The following CDH12 variants were observed in gnomAD, a reference collection of about 807,000 sequenced individuals.
The protein encoded by CDH12 is cadherin 12.
In CDH12, 41 loss-of-function variants were observed where a neutral mutation model predicts 74.1. The ratio of observed to expected loss-of-function variants is 0.55; its 90% CI spans 0.43 to 0.72. The LOEUF (loss-of-function observed/expected upper bound fraction) is 0.72, where lower values mean the gene tolerates loss of function less well. Ranked by LOEUF, CDH12 falls within the 30% of genes least tolerant of loss-of-function variation. The pLI is 0.00. For synonymous variants in CDH12, 399 were observed against 355.0 expected, an observed-to-expected ratio of 1.12 and a Z score of -1.39; for missense variants, 945 against 977.2, an observed-to-expected ratio of 0.97 and a Z score of 0.44.
At chr5:22,227,387 C>T (rs1304288769) in intron 3 of CDH12, among the ~76,000 whole-genome samples, 4 of 152,062 alleles carry the variant, frequency 2.6e-5, no homozygotes, top group Non-Finnish European at 5.9e-5. Context: ...CATAAGTTGT[C>T]TTTTAAGATA....
At chr5:22,126,865 C>T (rs1175982649) in intron 4 of CDH12, among the ~76,000 whole-genome samples, 1 of 152,096 alleles carries the variant, frequency 6.6e-6, no homozygotes, top group Non-Finnish European at 1.5e-5. Context: ...TTTATCATCC[C>T]CAATGGCGTA....
At chr5:22,434,774 T>C (rs1744311982) in intron 2 of CDH12, among the ~76,000 whole-genome samples, 1 of 152,200 alleles carries the variant, frequency 6.6e-6, no homozygotes, top group African/African-American at 2.4e-5. Flanking sequence ...TGCTTTTTTT[T>C]TCTTAAATTT....
intron 1 of CDH12, among the ~76,000 whole-genome samples, chr5:22,573,470 T>C (rs1022770377): frequency 3.3e-5 from 5 of 152,086 alleles, no homozygotes; most frequent in African/African-American, 1.2e-4. Context: ...AAATGTAAAA[T>C]AAATGTTTAA....
rs200649568 is a variant in CDH12 at position 21,802,453 on chromosome 5, A to C, written c.1003-33T>G. The C allele has an allele frequency of 2.6e-5, 41 of 1,566,302 alleles. No homozygotes were observed. The East Asian group carries it at 5.6e-4, about 22-fold the overall frequency. ...GAGGACAAATTAAGAATAAGGAGTA[A>C]ATTTATATAGAATGTGGCAGAAATG... On this transcript the variant is annotated intron_variant, in intron 9 of 14. Transcript: ENST00000382254.
At chr5:22,141,981 G>T (rs1381624999) in intron 4 of CDH12, among the ~76,000 whole-genome samples, 2 of 152,116 alleles carry the variant, frequency 1.3e-5, no homozygotes, top group African/African-American at 2.4e-5. Context: ...CGGCCATAGG[G>T]TGGTTTGGTT....
At chr5:22,029,512 A>C (rs1473554096) in intron 5 of CDH12, among the ~76,000 whole-genome samples, 1,644 of 150,994 alleles carry the variant, frequency 0.011, 31 homozygotes, top group African/African-American at 0.036. Flanking sequence ...ACATGAAAAA[A>C]TGCTCATCAT....
At chr5:22,113,955 G>A (rs956011932) in intron 4 of CDH12, among the ~76,000 whole-genome samples, 4 of 152,094 alleles carry the variant, frequency 2.6e-5, no homozygotes, top group Admixed American at 6.6e-5. Flanking sequence ...CTGGAGAGCC[G>A]GAGGGAAAAA....
chr5:22,201,646 T>C (rs1465275204), intron 4 of CDH12, among the ~76,000 whole-genome samples: 1 of 152,062 alleles, frequency 6.6e-6, no homozygotes, highest in East Asian at 1.9e-4. Flanking sequence ...ATAACAAAAT[T>C]GTACTTGTAC....
intron 4 of CDH12, among the ~76,000 whole-genome samples, chr5:22,096,098 C>T (rs531846825): frequency 6.6e-6 from 1 of 151,884 alleles, no homozygotes; most frequent in African/African-American, 2.4e-5. Flanking sequence ...ATGGGCAACC[C>T]TTCATTCCTC....
chr5:22,601,616 G>T (rs2126812856), intron 1 of CDH12, among the ~76,000 whole-genome samples: 1 of 152,104 alleles, frequency 6.6e-6, no homozygotes, highest in Middle Eastern at 3.4e-3. Flanking sequence ...CTGAAAGGAA[G>T]ATGATTATCT....
intron 6 of CDH12, among the ~76,000 whole-genome samples, chr5:21,927,766 A>G (rs1209691931): frequency 6.6e-6 from 1 of 151,696 alleles, no homozygotes; most frequent in Non-Finnish European, 1.5e-5. Flanking sequence ...GGTTATTGGT[A>G]GTAAGAATGA....
chr5:22,451,453 A>C lies in CDH12; in HGVS notation c.-427-46102T>G, dbSNP rs146945485. ...AATACACATGATCTAGCACCTCAAT[A>C]GAATCAAGAACAAAAACCATAAAAT... is the stretch of plus-strand genomic sequence containing the variant. On this transcript the variant is annotated intron_variant, in intron 2 of 14. Coordinates refer to ENST00000382254, the MANE Select transcript of CDH12 (RefSeq NM_004061.5). 6.6e-3 allele frequency among the ~76,000 whole-genome samples: 1,005 copies of C among 152,098 alleles called. 6 individuals are homozygous for C. Among genetic ancestry groups the C allele is most frequent in the Non-Finnish European group, 0.01 (699 of 67,872 alleles).
chr5:22,319,977 T>A (rs1738799941), intron 3 of CDH12, among the ~76,000 whole-genome samples: 1 of 152,104 alleles, frequency 6.6e-6, no homozygotes, highest in South Asian at 2.1e-4. Context: ...TAACTGACAC[T>A]TGCATCTATT....
chr5:22,524,850 G>A (rs188612959), intron 1 of CDH12, among the ~76,000 whole-genome samples: 72 of 151,014 alleles, frequency 4.8e-4, no homozygotes, highest in African/African-American at 1.7e-3. Context: ...TAGGGTACAT[G>A]TGCACAACAT....
At chr5:22,397,995 T>A (rs555039134) in intron 3 of CDH12, among the ~76,000 whole-genome samples, 1 of 152,214 alleles carries the variant, frequency 6.6e-6, no homozygotes, top group East Asian at 1.9e-4. Context: ...AGGATTTTAA[T>A]AAAATGAAGA....
intron 4 of CDH12, among the ~76,000 whole-genome samples, chr5:22,080,962 G>A (rs1742686400): frequency 6.6e-6 from 1 of 151,752 alleles, no homozygotes. Context: ...TTTATTTTTA[G>A]TAGAGACGGG....
At chr5:22,621,364 GT>G (rs1448491885) in intron 1 of CDH12, among the ~76,000 whole-genome samples, 4 of 152,240 alleles carry the variant, frequency 2.6e-5, no homozygotes, top group Admixed American at 2.6e-4. Context: ...TTTGGGTGCT[GT>G]TGTTCTGCCT....
chr5:22,359,734 C>A (rs1050897405), intron 3 of CDH12, among the ~76,000 whole-genome samples: 3 of 152,152 alleles, frequency 2.0e-5, no homozygotes, highest in Admixed American at 6.5e-5. Context: ...AACTGTCTCT[C>A]AGACCACAGT....
intron 9 of CDH12, among the ~76,000 whole-genome samples, chr5:21,811,137 A>T (rs191965844): frequency 5.3e-5 from 8 of 152,214 alleles, no homozygotes; most frequent in Non-Finnish European, 1.0e-4. Context: ...TGTTAATTTG[A>T]AATAAACTAA....
Sources: gnomAD v4.1 joint callset for allele counts (sites outside exome capture counted in the v4.1 genomes callset) on GRCh38, gnomAD v4.1.1 for gene constraint, MANE v1.5 for transcripts, NCBI Gene and HGNC (gene_info 2026-07-23, HGNC 2026-07-21) for gene names.